Variants in GRIA1 observed in about 807,000 individuals in gnomAD.
GRIA1 encodes glutamate ionotropic receptor AMPA type subunit 1, also known as glutamate receptor 1.
Under a neutral mutation model 99.2 loss-of-function variants are expected in GRIA1, and 31 were observed. The ratio of observed to expected loss-of-function variants is 0.31; its 90% CI spans 0.23 to 0.42. The LOEUF is 0.42. Among genes scored for constraint, GRIA1 ranks in the 10% least tolerant of loss-of-function variants. GRIA1 has a pLI of 1.00. For synonymous variants in GRIA1, 438 were observed against 432.4 expected, an observed-to-expected ratio of 1.01 and a Z score of -0.16; for missense variants, 782 against 1,157.5, an observed-to-expected ratio of 0.68 and a Z score of 4.71.
chr5:153,780,387 C>G (rs1764555256), intron 13 of GRIA1, among the ~76,000 whole-genome samples: 1 of 152,198 alleles, frequency 6.6e-6, no homozygotes, highest in Non-Finnish European at 1.5e-5. Context: ...CAGTATCACC[C>G]TGAAGTCAAG....
chr5:153,662,631 C>G (rs988153774), intron 5 of GRIA1, among the ~76,000 whole-genome samples: 1 of 152,086 alleles, frequency 6.6e-6, no homozygotes, highest in Non-Finnish European at 1.5e-5. Context: ...TCTCACCCGG[C>G]GCCTCATTTT....
intron 2 of GRIA1, among the ~76,000 whole-genome samples, chr5:153,566,304 C>CTGTTTTTTTTTTTTT (rs1554098082): frequency 2.7e-5 from 1 of 36,554 alleles, no homozygotes; most frequent in Non-Finnish European, 5.5e-5. Context: ...AATTCCCTGC[C>CTGTTTTTTTTTTTTT]TTTTTTTTTT....
chr5:153,793,098 C>T (rs1765406355), intron 13 of GRIA1, among the ~76,000 whole-genome samples: 1 of 152,108 alleles, frequency 6.6e-6, no homozygotes, highest in Non-Finnish European at 1.5e-5. Context: ...AAGTGTTTCC[C>T]AGGGAGGGAT....
intron 13 of GRIA1, among the ~76,000 whole-genome samples, chr5:153,792,794 CAG>C (rs372379523): frequency 4.6e-5 from 7 of 151,000 alleles, no homozygotes; most frequent in East Asian, 3.9e-4. Context: ...GAGAGAAAGA[CAG>C]AGAGAGAGAG....
chr5:153,701,115 C>G (rs1355260861), intron 10 of GRIA1, among the ~76,000 whole-genome samples: 2 of 152,204 alleles, frequency 1.3e-5, no homozygotes, highest in African/African-American at 4.8e-5. Context: ...TTTATCTTCA[C>G]CTTCACCTCA....
At chr5:153,749,317 TAG>T (rs1762361894) in intron 11 of GRIA1, among the ~76,000 whole-genome samples, 1 of 152,108 alleles carries the variant, frequency 6.6e-6, no homozygotes, top group African/African-American at 2.4e-5. Context: ...AACTGAGGCT[TAG>T]AGAGAGTCCT....
intron 1 of GRIA1, among the ~76,000 whole-genome samples, 181 bp from the exon 2 acceptor site, chr5:153,493,747 A>T (rs2113187408): frequency 6.6e-6 from 1 of 152,292 alleles, no homozygotes; most frequent in South Asian, 2.1e-4. Flanking sequence ...AAAAAAGCTC[A>T]TCTGTAGGAG....
At chr5:153,671,080 T>C (rs1360891282) in intron 5 of GRIA1, among the ~76,000 whole-genome samples, 1 of 152,218 alleles carries the variant, frequency 6.6e-6, no homozygotes, top group Non-Finnish European at 1.5e-5. Flanking sequence ...CTGTCCATTT[T>C]TTCTTAGGAG....
At chr5:153,706,384 T>C (rs1445260333) in intron 11 of GRIA1, among the ~76,000 whole-genome samples, 2 of 152,358 alleles carry the variant, frequency 1.3e-5, no homozygotes, top group East Asian at 1.9e-4. Context: ...CTAACACTTA[T>C]GGAGCACCTA....
intron 2 of GRIA1, among the ~76,000 whole-genome samples, chr5:153,550,542 T>C (rs1027850948): frequency 3.3e-5 from 5 of 152,116 alleles, no homozygotes; most frequent in African/African-American, 9.7e-5. Context: ...GGTACAATTG[T>C]TAAGGTAAAG....
chr5:153,623,644 C>T lies in GRIA1; in HGVS notation c.221-23284C>T, dbSNP rs561992911. ...CTGTTAGTTCTATCAACATGGACGG[C>T]GTTAATATGACAGAATATTTGTTTG... On this transcript the variant is annotated intron_variant, in intron 2 of 15. Coordinates refer to ENST00000285900, the MANE Select transcript of GRIA1 (RefSeq NM_000827.4). 5.9e-5 allele frequency among the ~76,000 whole-genome samples: 9 copies of T among 152,212 alleles called. No individual in the cohort carries two copies. The South Asian group carries it at 8.3e-4, about 14-fold the overall frequency.
At chr5:153,607,042 GATATAT>G (rs59233877) in intron 2 of GRIA1, among the ~76,000 whole-genome samples, 15 of 127,768 alleles carry the variant, frequency 1.2e-4, no homozygotes, top group South Asian at 7.7e-4. Flanking sequence ...TATCACAAAA[GATATAT>G]ATATATATAT....
chr5:153,639,889 G>T (rs1186916191), intron 2 of GRIA1, among the ~76,000 whole-genome samples: 1 of 152,152 alleles, frequency 6.6e-6, no homozygotes, highest in African/African-American at 2.4e-5. Context: ...TCTATTACAG[G>T]TACTTCACCA....
At chr5:153,492,314 C>G in intron 1 of GRIA1, 2 of 1,531,956 alleles carry the variant, frequency 1.3e-6, no homozygotes, top group East Asian at 2.4e-5. Flanking sequence ...GAAGTGTGTA[C>G]GTATCTGTGT....
chr5:153,782,809 G>A (rs1194876757), intron 13 of GRIA1, among the ~76,000 whole-genome samples: 5 of 152,118 alleles, frequency 3.3e-5, no homozygotes, highest in Non-Finnish European at 5.9e-5. Flanking sequence ...AAAAGCCACC[G>A]CAAGCATACC....
chr5:153,778,761 C>A (rs1764444140), intron 13 of GRIA1, among the ~76,000 whole-genome samples: 1 of 151,708 alleles, frequency 6.6e-6, no homozygotes, highest in Admixed American at 6.6e-5. Flanking sequence ...ATACAATATA[C>A]AAATAAGAAA....
At chr5:153,790,140 GT>G (rs1354827370) in intron 13 of GRIA1, among the ~76,000 whole-genome samples, 2 of 152,280 alleles carry the variant, frequency 1.3e-5, no homozygotes, top group East Asian at 3.9e-4. Flanking sequence ...CTGATGGCAA[GT>G]GGAAAATCTG....
chr5:153,652,628 G>T (rs1046441823), intron 4 of GRIA1, among the ~76,000 whole-genome samples: 5 of 152,182 alleles, frequency 3.3e-5, no homozygotes, highest in Non-Finnish European at 5.9e-5. Context: ...GTTTTGTAAA[G>T]AAGTGACCCG....
intron 2 of GRIA1, among the ~76,000 whole-genome samples, chr5:153,510,428 C>A (rs144144309): frequency 3.1e-3 from 476 of 152,220 alleles, no homozygotes; most frequent in Non-Finnish European, 5.1e-3. Flanking sequence ...TTGCCTTGAT[C>A]ATAAGTATCC....
Sources: gnomAD v4.1 joint callset for allele counts (sites outside exome capture counted in the v4.1 genomes callset) on GRCh38, gnomAD v4.1.1 for gene constraint, MANE v1.5 for transcripts, NCBI Gene and HGNC (gene_info 2026-07-23, HGNC 2026-07-21) for gene names.